The following SPMIP6 variants were observed in gnomAD, a reference collection of about 807,000 sequenced individuals.
SPMIP6 encodes the protein ciliated bronchial epithelial protein 1.
At chr9:34,382,529 G>A in the SPMIP6 span, 1 of 539,250 alleles carries the variant, frequency 1.9e-6, no homozygotes, top group Non-Finnish European at 3.4e-6. Flanking sequence ...AGGTTGCAGT[G>A]AGCCAAGGTT....
chr9:34,381,794 C>A, the SPMIP6 span: 1 of 983,388 alleles, frequency 1.0e-6, no homozygotes, highest in Non-Finnish European at 1.2e-6. The surrounding 1 kb of genome is among the most constrained non-coding windows in gnomAD (Gnocchi z 4.4). Flanking sequence ...TATTGCTTGT[C>A]ATTCCGGAGA....
At chr9:34,382,765 G>C in the SPMIP6 span, 6 of 1,613,380 alleles carry the variant, frequency 3.7e-6, no homozygotes, top group Non-Finnish European at 4.2e-6. Flanking sequence ...TTAGGCAGCC[G>C]AGGAAGGTAG....
chr9:34,386,979 G>A, the SPMIP6 span, among the ~76,000 whole-genome samples: 1 of 152,112 alleles, frequency 6.6e-6, no homozygotes, highest in Non-Finnish European at 1.5e-5. Flanking sequence ...CCTCATAACG[G>A]GCAGTGAGGT....
chr9:34,392,006 T>C, the SPMIP6 span, among the ~76,000 whole-genome samples: 6 of 152,202 alleles, frequency 3.9e-5, no homozygotes, highest in Non-Finnish European at 5.9e-5. The surrounding 1 kb of genome is among the most constrained non-coding windows in gnomAD (Gnocchi z 4.6). Flanking sequence ...TTCTTTATTT[T>C]TATTTTTAAA....
the SPMIP6 span, chr9:34,382,926 C>G: frequency 9.1e-7 from 1 of 1,098,382 alleles, no homozygotes; most frequent in East Asian, 2.4e-5. Context: ...ACTCCAGGAT[C>G]TGAGATCCCC....
the SPMIP6 span, among the ~76,000 whole-genome samples, chr9:34,393,618 A>G: frequency 0.013 from 1,947 of 151,900 alleles, 47 homozygotes; most frequent in African/African-American, 0.044. Flanking sequence ...GGATTCATTT[A>G]TTTTGTTAGT....
the SPMIP6 span, chr9:34,379,494 AC>A: frequency 1.3e-6 from 1 of 756,806 alleles, no homozygotes; most frequent in Non-Finnish European, 2.3e-6. This position sits in a 1 kb window ranked among gnomAD's most constrained non-coding sequence, Gnocchi z 4.2. Flanking sequence ...ACCACCTTTG[AC>A]TGCTCCATGC....
chr9:34,386,114 C>T, the SPMIP6 span, among the ~76,000 whole-genome samples: 1 of 152,154 alleles, frequency 6.6e-6, no homozygotes, highest in African/African-American at 2.4e-5. Context: ...TCCTTTTTCT[C>T]CTAGACTGTA....
the SPMIP6 span, among the ~76,000 whole-genome samples, chr9:34,394,311 A>G: frequency 1.3e-5 from 2 of 151,998 alleles, no homozygotes; most frequent in Non-Finnish European, 2.9e-5. Flanking sequence ...ATCCACCACC[A>G]TGCCCGGCTA....
chr9:34,392,753 T>C, the SPMIP6 span, among the ~76,000 whole-genome samples: 2 of 152,134 alleles, frequency 1.3e-5, no homozygotes, highest in Admixed American at 6.6e-5. The surrounding 1 kb of genome is among the most constrained non-coding windows in gnomAD (Gnocchi z 4.6). Context: ...CTGGAACTCA[T>C]GAGGAGAACA....
chr9:34,395,651 A>G, the SPMIP6 span, among the ~76,000 whole-genome samples: 21 of 152,208 alleles, frequency 1.4e-4, no homozygotes, highest in African/African-American at 4.6e-4. Flanking sequence ...TTTGCTTCAG[A>G]TAAGTATATC....
chr9:34,384,776 T>G, the SPMIP6 span, among the ~76,000 whole-genome samples: 6 of 152,006 alleles, frequency 3.9e-5, no homozygotes, highest in Admixed American at 3.9e-4. Flanking sequence ...TCCAAGCAAA[T>G]GAGAAAGACA....
chr9:34,397,160 TTTA>T, the SPMIP6 span, among the ~76,000 whole-genome samples: 5 of 152,208 alleles, frequency 3.3e-5, no homozygotes, highest in African/African-American at 1.2e-4. Flanking sequence ...CCAGTCTCAG[TTTA>T]TTGTCACCTT....
At chr9:34,387,959 G>A in the SPMIP6 span, among the ~76,000 whole-genome samples, 1 of 152,118 alleles carries the variant, frequency 6.6e-6, no homozygotes, top group Admixed American at 6.6e-5. Flanking sequence ...TGAAGATTGC[G>A]CTGGGGATTT....
chr9:34,381,141 C>T, the SPMIP6 span: 1 of 1,572,958 alleles, frequency 6.4e-7, no homozygotes, highest in East Asian at 2.3e-5. This position sits in a 1 kb window ranked among gnomAD's most constrained non-coding sequence, Gnocchi z 4.4. Flanking sequence ...TCTGCTCCCG[C>T]GGGTCCCCAG....
At chr9:34,390,291 A>G in the SPMIP6 span, among the ~76,000 whole-genome samples, 1 of 152,102 alleles carries the variant, frequency 6.6e-6, no homozygotes, top group Non-Finnish European at 1.5e-5. Flanking sequence ...ATTTTTTATC[A>G]GGTTATATTT....
the SPMIP6 span, chr9:34,381,244 A>G: frequency 6.4e-7 from 1 of 1,573,930 alleles, no homozygotes; most frequent in Non-Finnish European, 8.6e-7. The surrounding 1 kb of genome is among the most constrained non-coding windows in gnomAD (Gnocchi z 4.4). Context: ...GGATAGATTC[A>G]GGGTTCCACC....
the SPMIP6 span, chr9:34,381,447 G>A: frequency 1.2e-6 from 2 of 1,614,088 alleles, no homozygotes; most frequent in Non-Finnish European, 1.7e-6. This position sits in a 1 kb window ranked among gnomAD's most constrained non-coding sequence, Gnocchi z 4.4. Context: ...CTGGCCTCCT[G>A]GAAGCGGCAC....
the SPMIP6 span, among the ~76,000 whole-genome samples, chr9:34,385,206 C>A: frequency 6.6e-6 from 1 of 151,790 alleles, no homozygotes; most frequent in East Asian, 1.9e-4. Flanking sequence ...GGGAAGAAAT[C>A]TAGGTCATGG....
Sources: gnomAD v4.1 joint callset for allele counts (sites outside exome capture counted in the v4.1 genomes callset) on GRCh38, gnomAD v4.1.1 for gene constraint, Gnocchi (gnomAD v3.1) non-coding constraint, MANE v1.5 for transcripts, NCBI Gene and HGNC (gene_info 2026-07-23, HGNC 2026-07-21) for gene names.